Variants in ENPP6 observed in about 807,000 individuals in gnomAD.
ENPP6 encodes ectonucleotide pyrophosphatase/phosphodiesterase 6, also known as glycerophosphocholine cholinephosphodiesterase ENPP6.
A neutral mutation model predicts 42.0 loss-of-function variants in ENPP6; 32 were observed. The observed-to-expected ratio is 0.76, with a 90% CI of 0.58 to 1.02. The LOEUF is 1.02. Ranked by LOEUF, ENPP6 falls within the 50% of genes least tolerant of loss-of-function variation. ENPP6 has a pLI of 0.00. For missense variants in ENPP6, 552 were observed against 566.8 expected, an observed-to-expected ratio of 0.97 and a Z score of 0.27; for synonymous variants, 213 against 216.0, an observed-to-expected ratio of 0.99 and a Z score of 0.12.
intron 3 of ENPP6, among the ~76,000 whole-genome samples, chr4:184,122,527 C>T (rs1295955303): frequency 6.6e-6 from 1 of 151,976 alleles, no homozygotes; most frequent in Non-Finnish European, 1.5e-5. Flanking sequence ...ACTTATTCCC[C>T]GCTGCATGCT....
chr4:184,097,107 C>T (rs954819908), intron 7 of ENPP6, 138 bp downstream of exon 7: 10 of 1,282,748 alleles, frequency 7.8e-6, no homozygotes, highest in Middle Eastern at 2.3e-4. Flanking sequence ...TCATGGAGAC[C>T]GGCTGGGTTT....
intron 6 of ENPP6, among the ~76,000 whole-genome samples, chr4:184,110,161 G>A (rs1410532593): frequency 6.6e-6 from 1 of 152,160 alleles, no homozygotes; most frequent in Non-Finnish European, 1.5e-5. Context: ...GTTTGTTCTT[G>A]CTCTCCCCTC....
intron 2 of ENPP6, among the ~76,000 whole-genome samples, chr4:184,130,767 C>A (rs560993330): frequency 1.6e-4 from 24 of 151,898 alleles, no homozygotes; most frequent in Non-Finnish European, 3.2e-4. Flanking sequence ...TATTACTTAT[C>A]TTAATGGAAC....
At chr4:184,143,389 G>A (rs113433035) in intron 2 of ENPP6, among the ~76,000 whole-genome samples, 3 of 152,250 alleles carry the variant, frequency 2.0e-5, no homozygotes, top group Admixed American at 6.5e-5. Flanking sequence ...GGCGGGAGCA[G>A]TGTCTGTGGG....
At chr4:184,113,407 G>A (rs1424941043) in intron 5 of ENPP6, among the ~76,000 whole-genome samples, 2 of 151,896 alleles carry the variant, frequency 1.3e-5, no homozygotes, top group Non-Finnish European at 2.9e-5. Context: ...CTCTGAGGGG[G>A]CAAAAAGGGG....
chr4:184,203,219 C>A (rs1165030435), intron 1 of ENPP6, among the ~76,000 whole-genome samples: 1 of 152,172 alleles, frequency 6.6e-6, no homozygotes, highest in Admixed American at 6.5e-5. Flanking sequence ...CCACTGCACT[C>A]CAGCCTGGAT....
At chr4:184,132,239 T>C (rs4410569) in intron 2 of ENPP6, among the ~76,000 whole-genome samples, 97,333 of 151,886 alleles carry the variant, frequency 0.64, 31,498 homozygotes, top group Non-Finnish European at 0.68. Flanking sequence ...AGTTGACACA[T>C]AAAAATAACC....
At chr4:184,127,602 A>G (rs1736525379) in intron 2 of ENPP6, among the ~76,000 whole-genome samples, 1 of 152,180 alleles carries the variant, frequency 6.6e-6, no homozygotes, top group Non-Finnish European at 1.5e-5. Context: ...TACCAAAAAT[A>G]TAAAACTAGC....
chr4:184,115,390 G>T (rs1223532115), intron 5 of ENPP6, among the ~76,000 whole-genome samples: 3 of 152,206 alleles, frequency 2.0e-5, no homozygotes, highest in Admixed American at 6.5e-5. Context: ...GGTGCCACTT[G>T]CTCCTCCTCC....
intron 1 of ENPP6, among the ~76,000 whole-genome samples, chr4:184,187,850 C>T (rs919591165): frequency 6.6e-5 from 10 of 152,262 alleles, no homozygotes; most frequent in African/African-American, 2.2e-4. Flanking sequence ...AGAGATACTT[C>T]TTGAATAAAT....
At chr4:184,186,205 A>G (rs904680784) in intron 1 of ENPP6, among the ~76,000 whole-genome samples, 1 of 152,254 alleles carries the variant, frequency 6.6e-6, no homozygotes, top group Non-Finnish European at 1.5e-5. Context: ...GAATAGCCAT[A>G]CAATGGGATA....
chr4:184,208,929 C>T (rs1185096732), intron 1 of ENPP6, among the ~76,000 whole-genome samples: 1 of 144,362 alleles, frequency 6.9e-6, no homozygotes, highest in Non-Finnish European at 1.5e-5. Flanking sequence ...TCCCTGACCC[C>T]TGACCCCCGA....
chr4:184,158,304 G>A (rs952986686), intron 1 of ENPP6, among the ~76,000 whole-genome samples: 1 of 152,078 alleles, frequency 6.6e-6, no homozygotes, highest in Non-Finnish European at 1.5e-5. Flanking sequence ...AATGGGTATC[G>A]TAACAATTAT....
chr4:184,180,645 CAA>C (rs1294362411), intron 1 of ENPP6, among the ~76,000 whole-genome samples: 1 of 152,184 alleles, frequency 6.6e-6, no homozygotes, highest in Non-Finnish European at 1.5e-5. Flanking sequence ...AGCAGCACAT[CAA>C]AAAGCTTATC....
chr4:184,193,314 C>G (rs561536876), intron 1 of ENPP6, among the ~76,000 whole-genome samples: 1 of 152,284 alleles, frequency 6.6e-6, no homozygotes, highest in East Asian at 1.9e-4. Context: ...AAAGGAGAAA[C>G]ATACTAATGC....
rs1436244071 is a variant in ENPP6 at position 184,153,610 on chromosome 4, G to A, written c.365C>T (p.Pro122Leu). The A allele has an allele frequency of 6.2e-7, 1 of 1,614,150 alleles. No individual in the cohort carries two copies. The highest frequency in any genetic ancestry group is 1.1e-5 in the South Asian group (1 of 91,080). ...LMPLWWNGSE[P>L]LWVTLTKAKR... is the part of the protein sequence containing the mutation. ...GGCCTTGGTCAGAGTGACCCACAGA[G>A]GTTCTGATCCATTCCACCAGAGAGG... Residue 122 changes from proline (P) to leucine (L), a missense_variant, in exon 2 of 8, where the codon CCT (proline) becomes CTT (leucine). Physicochemically the swap from Pro to Leu is moderately conservative, Grantham distance 98. This residue lies in a region of ENPP6 where 545 missense variants were observed against 546.3 expected (regional missense o/e 1.00). Transcript: ENST00000296741.
chr4:184,145,887 A>G (rs1307832456), intron 2 of ENPP6, among the ~76,000 whole-genome samples: 2 of 152,234 alleles, frequency 1.3e-5, no homozygotes, highest in East Asian at 3.8e-4. Context: ...ATGGAGTATT[A>G]TGCAGTTGTG....
At chr4:184,110,197 G>A (rs766565574) in intron 6 of ENPP6, among the ~76,000 whole-genome samples, 12 of 152,040 alleles carry the variant, frequency 7.9e-5, no homozygotes, top group Non-Finnish European at 1.2e-4. Context: ...TCTTTGTTTC[G>A]GGGCCCCAGT....
chr4:184,165,735 G>A (rs1317069763), intron 1 of ENPP6, among the ~76,000 whole-genome samples: 4 of 152,236 alleles, frequency 2.6e-5, no homozygotes, highest in Non-Finnish European at 2.9e-5. Context: ...TGGAAAGAGA[G>A]GCTCCCAAAG....
Sources: allele counts gnomAD v4.1 joint callset (sites outside exome capture counted in the v4.1 genomes callset), GRCh38; gene constraint gnomAD v4.1.1; regional missense constraint gnomAD v4.1.1; transcripts MANE v1.5; gene names NCBI Gene and HGNC (gene_info 2026-07-23, HGNC 2026-07-21).